Variants in FBXL17 observed in about 807,000 individuals in gnomAD.
FBXL17 encodes the protein F-box/LRR-repeat protein 17.
Under a neutral mutation model 66.2 loss-of-function variants are expected in FBXL17, and 22 were observed. The ratio of observed to expected loss-of-function variants is 0.33; its 90% confidence interval spans 0.24 to 0.47. The LOEUF (loss-of-function observed/expected upper bound fraction) is 0.47, where lower values mean the gene tolerates loss of function less well. FBXL17 is among the 20% of genes least tolerant of loss of function. The pLI is 1.00. For missense variants in FBXL17, 878 were observed against 948.2 expected, an observed-to-expected ratio of 0.93 and a Z score of 0.97; for synonymous variants, 474 against 400.5, an observed-to-expected ratio of 1.18 and a Z score of -2.19.
intron 7 of FBXL17, among the ~76,000 whole-genome samples, chr5:107,913,540 G>T (rs1198893106): frequency 6.6e-6 from 1 of 152,116 alleles, no homozygotes; most frequent in Admixed American, 6.5e-5. Context: ...TCCTCAGAGA[G>T]TGCTACTTAG....
intron 4 of FBXL17, among the ~76,000 whole-genome samples, chr5:108,246,316 A>T (rs1580684714): frequency 6.6e-6 from 1 of 152,098 alleles, no homozygotes; most frequent in African/African-American, 2.4e-5. Flanking sequence ...GCCTGGGCAA[A>T]ATAGTGAAAC....
intron 6 of FBXL17, among the ~76,000 whole-genome samples, chr5:108,052,904 A>G (rs1482818545): frequency 6.6e-6 from 1 of 152,104 alleles, no homozygotes; most frequent in African/African-American, 2.4e-5. Context: ...ACATCTGCAA[A>G]CATCTGATCT....
At chr5:108,286,455 A>G (rs1757905152) in intron 4 of FBXL17, among the ~76,000 whole-genome samples, 1 of 152,088 alleles carries the variant, frequency 6.6e-6, no homozygotes, top group Non-Finnish European at 1.5e-5. Flanking sequence ...TCAGGACACA[A>G]AATCAATGTA....
At chr5:108,139,945 T>C (rs147664333) in intron 6 of FBXL17, among the ~76,000 whole-genome samples, 4 of 152,302 alleles carry the variant, frequency 2.6e-5, no homozygotes, top group African/African-American at 9.6e-5. Context: ...TTATCTCCTT[T>C]GGCTCAGCCC....
At chr5:108,073,921 T>C (rs1447188358) in intron 6 of FBXL17, among the ~76,000 whole-genome samples, 2 of 152,170 alleles carry the variant, frequency 1.3e-5, no homozygotes, top group East Asian at 3.9e-4. Flanking sequence ...GTTAGCCAAA[T>C]AAACCTCTTT....
chr5:108,058,539 C>G (rs569929517), intron 6 of FBXL17, among the ~76,000 whole-genome samples: 244 of 151,622 alleles, frequency 1.6e-3, no homozygotes, highest in African/African-American at 5.6e-3. Flanking sequence ...GGCTGGAGTA[C>G]AGTAGCCCAA....
At chr5:107,912,058 C>G (rs1312631756) in intron 7 of FBXL17, among the ~76,000 whole-genome samples, 1 of 152,106 alleles carries the variant, frequency 6.6e-6, no homozygotes, top group African/African-American at 2.4e-5. Flanking sequence ...CTTTCTCATA[C>G]TGCTGAGGGG....
intron 7 of FBXL17, among the ~76,000 whole-genome samples, chr5:107,916,423 T>G (rs368802623): frequency 6.6e-6 from 1 of 152,206 alleles, no homozygotes; most frequent in East Asian, 1.9e-4. Context: ...ATGTCTTTTC[T>G]GACATTATAG....
intron 4 of FBXL17, among the ~76,000 whole-genome samples, chr5:108,322,801 G>T (rs1759678455): frequency 6.6e-6 from 1 of 151,862 alleles, no homozygotes; most frequent in Non-Finnish European, 1.5e-5. Flanking sequence ...GTACATCAAG[G>T]TCTGTACAGT....
At chr5:108,281,912 G>A (rs1159205986) in intron 4 of FBXL17, among the ~76,000 whole-genome samples, 1 of 151,594 alleles carries the variant, frequency 6.6e-6, no homozygotes, top group African/African-American at 2.4e-5. Flanking sequence ...AAACCCAGAG[G>A]AAATGGATAA....
At chr5:108,274,932 T>C (rs1757424879) in intron 4 of FBXL17, among the ~76,000 whole-genome samples, 2 of 152,268 alleles carry the variant, frequency 1.3e-5, no homozygotes, top group South Asian at 4.1e-4. Context: ...ATTATCCTAA[T>C]TATACATATA....
chr5:107,967,946 G>A (rs1340030665), intron 7 of FBXL17, among the ~76,000 whole-genome samples: 1 of 152,046 alleles, frequency 6.6e-6, no homozygotes, highest in Admixed American at 6.6e-5. Context: ...GGCTTTAACA[G>A]GGTGGTATTG....
At chr5:107,871,069 A>AAAAAAAAAC (rs1554080848) in intron 8 of FBXL17, among the ~76,000 whole-genome samples, 9 of 130,234 alleles carry the variant, frequency 6.9e-5, no homozygotes, top group African/African-American at 2.2e-4. Flanking sequence ...AAAAAAAAAA[A>AAAAAAAAAC]AAAAAAAAAA....
At position 108,009,261 on chromosome 5, in the gene FBXL17, TTATATATATATATATATATA is replaced by T. The variant is rs375853217; in HGVS notation, c.1822+11644_1822+11663del. Among the ~76,000 whole-genome samples the T allele has an allele frequency of 1.9e-4, 4 of 20,852 alleles. 1 individual carries two copies. The highest frequency in any genetic ancestry group is 3.4e-4 in the Non-Finnish European group (4 of 11,694). The allele number at this position is 20,852 out of a possible 152,430, so 13.7% of individuals were successfully genotyped here. A position where few individuals can be genotyped will look rare whatever the true frequency, so the allele number is the denominator to read the frequency against. On this transcript the variant is annotated intron_variant, in intron 7 of 8. Transcript: ENST00000542267. The stretch of plus-strand genomic sequence containing the variant: ...GCTTGGTCGTGAGTTGTTCCCTGTT[TTATATATATATATATATATA>T]TATATATATATATATATATACATAT...
chr5:108,223,575 C>T (rs1436682552), intron 5 of FBXL17, among the ~76,000 whole-genome samples: 3 of 152,170 alleles, frequency 2.0e-5, no homozygotes, highest in Admixed American at 6.5e-5. Context: ...GATGACACAT[C>T]GCAGTAGAGA....
intron 4 of FBXL17, chr5:108,299,054 C>G (rs1339311074): frequency 5.1e-6 from 5 of 977,544 alleles, no homozygotes; most frequent in Non-Finnish European, 6.1e-6. Flanking sequence ...GAGTACATAT[C>G]TGAACAAAAA....
Position 108,002,182 on chromosome 5 carries a change from A to ATTTTTTTTTTTTTTTTTTTTT in FBXL17, c.1822+18722_1822+18742dup, listed in dbSNP as rs765399250. Reference sequence around the variant, plus strand: ...TGGCACACACCACCACACCCAGCTAATTTTTTTTTTTTTTTTTTTTTTAGT... The same window carrying ATTTTTTTTTTTTTTTTTTTTT: ...TGGCACACACCACCACACCCAGCTAATTTTTTTTTTTTTTTTTTTTTTTTTTTTTTTTTTTTTTTTTTTAGT... On this transcript the variant is annotated intron_variant, in intron 7 of 8. Transcript: ENST00000542267. Among the ~76,000 whole-genome samples the ATTTTTTTTTTTTTTTTTTTTT allele has an allele frequency of 2.9e-4, 32 of 109,442 alleles. 3 individuals carry two copies. Among genetic ancestry groups the ATTTTTTTTTTTTTTTTTTTTT allele is most frequent in the African/African-American group, 1.3e-3 (30 of 22,294 alleles). The allele number at this position is 109,442 out of a possible 152,430, so 71.8% of individuals were successfully genotyped here.
intron 4 of FBXL17, among the ~76,000 whole-genome samples, chr5:108,232,792 T>TATATATATATATATATATATATATATTA (rs1554077844): frequency 9.1e-6 from 1 of 109,534 alleles, no homozygotes; most frequent in Non-Finnish European, 2.0e-5. Flanking sequence ...CATATATATA[T>TATATATATATATATATATATATATATTA]ATATATATAT....
intron 7 of FBXL17, among the ~76,000 whole-genome samples, chr5:108,015,304 A>T (rs903600661): frequency 6.6e-6 from 1 of 152,160 alleles, no homozygotes; most frequent in African/African-American, 2.4e-5. Flanking sequence ...TAAATAATAG[A>T]ATGGAAAAAA....
Sources: allele counts gnomAD v4.1 joint callset (sites outside exome capture counted in the v4.1 genomes callset), GRCh38; gene constraint gnomAD v4.1.1; transcripts MANE v1.5; gene names NCBI Gene and HGNC (gene_info 2026-07-23, HGNC 2026-07-21).